BBS9: variants seen among roughly 807,000 people sequenced by gnomAD.
The protein encoded by BBS9 is Bardet-Biedl syndrome 9.
Under a neutral mutation model 117.7 loss-of-function variants are expected in BBS9, and 89 were observed. That is an observed-to-expected ratio of 0.76 (90% CI 0.64 to 0.90). The LOEUF is 0.90. Ranked by LOEUF, BBS9 falls within the 40% of genes least tolerant of loss-of-function variation. The pLI is 0.00. For synonymous variants in BBS9, 379 were observed against 370.9 expected (o/e 1.02, Z -0.25); for missense variants, 982 against 1,042.2 (o/e 0.94, Z 0.80).
At chr7:33,266,950 G>T (rs1394238131) in intron 7 of BBS9, among the ~76,000 whole-genome samples, 1 of 151,994 alleles carries the variant, frequency 6.6e-6, no homozygotes, top group Non-Finnish European at 1.5e-5. Context: ...TTGCCGTGTT[G>T]ACCAGACTGG....
chr7:33,533,533 C>T (rs557405429), intron 20 of BBS9, among the ~76,000 whole-genome samples: 36 of 152,268 alleles, frequency 2.4e-4, no homozygotes, highest in Non-Finnish European at 4.1e-4. Flanking sequence ...TCTCCTGGCC[C>T]GCTTTCCTTT....
chr7:33,202,244 T>C (rs1007261167), intron 5 of BBS9, among the ~76,000 whole-genome samples: 2 of 152,206 alleles, frequency 1.3e-5, no homozygotes, highest in Non-Finnish European at 2.9e-5. Context: ...CTTTGGCAGA[T>C]GCTAGGATTA....
intron 5 of BBS9, among the ~76,000 whole-genome samples, chr7:33,230,576 C>A (rs1792168919): frequency 6.6e-6 from 1 of 152,156 alleles, no homozygotes; most frequent in Non-Finnish European, 1.5e-5. Flanking sequence ...CTCCCTTCCG[C>A]CCTGCCTGCT....
In BBS9 at chr7:33,393,465, C is replaced by A. The variant is rs535744336; in HGVS notation, c.2115+5321C>A. The stretch of plus-strand genomic sequence containing the variant: ...CTTAATACTTTTAGAACAAAGGGTC[C>A]TGTATTTTTATTTTGCTCTGGGCAC... On this transcript the variant is annotated intron_variant, in intron 19 of 22. Transcript: ENST00000242067. Among the ~76,000 whole-genome samples, 3 of 152,236 alleles carry A rather than the reference C, an allele frequency of 2.0e-5. No homozygotes were observed. In the East Asian group the frequency reaches 5.8e-4, roughly 29 times the overall value.
chr7:33,319,162 CAAA>C (rs766634541), intron 9 of BBS9, among the ~76,000 whole-genome samples: 10 of 127,024 alleles, frequency 7.9e-5, no homozygotes, highest in Admixed American at 8.0e-5. Flanking sequence ...GACTCTATGT[CAAA>C]AAAAAAAAAA....
intron 21 of BBS9, among the ~76,000 whole-genome samples, chr7:33,593,273 T>A (rs76499226): frequency 0.012 from 1,756 of 152,272 alleles, 29 homozygotes; most frequent in African/African-American, 0.04. Context: ...ATTAACTTTC[T>A]TTTCCTCCCC....
chr7:33,158,987 G>C (rs938358612), intron 4 of BBS9, among the ~76,000 whole-genome samples: 5 of 151,680 alleles, frequency 3.3e-5, no homozygotes, highest in African/African-American at 1.2e-4. Context: ...CGGTCAGGTT[G>C]GTTACAGCTT....
chr7:33,478,154 A>G (rs1201617624), intron 19 of BBS9, among the ~76,000 whole-genome samples: 2 of 152,164 alleles, frequency 1.3e-5, no homozygotes, highest in African/African-American at 4.8e-5. Flanking sequence ...ATGAAAGGGG[A>G]ATATTAAAAT....
In BBS9 at chr7:33,146,373, C is replaced by T. The variant is rs1257128233; in HGVS notation, c.112+9C>T. Reference sequence around the variant, plus strand: ...TAGTGGAAATGGACAAGGTAAGCAACTTACAACCATACATCTTGGATGAAA... The same window carrying T: ...TAGTGGAAATGGACAAGGTAAGCAATTTACAACCATACATCTTGGATGAAA... On this transcript the variant is annotated intron_variant, in intron 2 of 22. Transcript: ENST00000242067. The T allele has an allele frequency of 6.3e-7, 1 of 1,591,796 alleles. No homozygotes were observed. Among genetic ancestry groups the T allele is most frequent in the African/African-American group, 1.3e-5 (1 of 74,418 alleles).
chr7:33,532,229 G>A (rs987970203), intron 20 of BBS9, among the ~76,000 whole-genome samples: 3 of 152,204 alleles, frequency 2.0e-5, no homozygotes, highest in Non-Finnish European at 2.9e-5. Flanking sequence ...CATGAGCGAC[G>A]GCCATGTGCA....
chr7:33,595,623 G>A (rs1377446840), intron 21 of BBS9, among the ~76,000 whole-genome samples: 3 of 152,146 alleles, frequency 2.0e-5, no homozygotes, highest in Admixed American at 6.6e-5. Context: ...GGAAGACAGT[G>A]TGGCGATTCC....
At chr7:33,450,714 C>A (rs1230790257) in intron 19 of BBS9, among the ~76,000 whole-genome samples, 1 of 152,106 alleles carries the variant, frequency 6.6e-6, no homozygotes, top group African/African-American at 2.4e-5. Flanking sequence ...ATTTTAAAAT[C>A]AGATTAGTTT....
intron 18 of BBS9, among the ~76,000 whole-genome samples, chr7:33,386,876 A>G (rs185090449): frequency 6.6e-5 from 10 of 152,240 alleles, no homozygotes; most frequent in Admixed American, 1.3e-4. Context: ...CAGCCACTCA[A>G]TCTCTTCTTT....
At chr7:33,452,842 G>A (rs76616287) in intron 19 of BBS9, among the ~76,000 whole-genome samples, 11,305 of 152,226 alleles carry the variant, frequency 0.074, 487 homozygotes, top group African/African-American at 0.1. Context: ...AAAAGTTATA[G>A]CCATGTAGTA....
At chr7:33,517,067 T>C (rs1275379949) in intron 20 of BBS9, among the ~76,000 whole-genome samples, 1 of 152,226 alleles carries the variant, frequency 6.6e-6, no homozygotes, top group African/African-American at 2.4e-5. Flanking sequence ...GTCATAAACA[T>C]TGGTTAGCAG....
intron 5 of BBS9, among the ~76,000 whole-genome samples, chr7:33,195,806 C>G (rs1453873045): frequency 1.3e-5 from 2 of 151,702 alleles, no homozygotes; most frequent in Non-Finnish European, 2.9e-5. Context: ...TTTTTTCAGC[C>G]AAATGGAAGT....
intron 19 of BBS9, among the ~76,000 whole-genome samples, chr7:33,502,957 T>C (rs1209743909): frequency 6.6e-6 from 1 of 152,206 alleles, no homozygotes; most frequent in Non-Finnish European, 1.5e-5. Flanking sequence ...TCTTCAGTAC[T>C]CTCTCTTTCA....
chr7:33,227,021 C>CTAAAATGGT, intron 5 of BBS9, among the ~76,000 whole-genome samples: 1 of 152,126 alleles, frequency 6.6e-6, no homozygotes, highest in South Asian at 2.1e-4. Flanking sequence ...ACTGTACATT[C>CTAAAATGGT]TAAAATGGTT....
chr7:33,169,618 A>G (rs1459620037), intron 4 of BBS9, among the ~76,000 whole-genome samples: 9 of 149,822 alleles, frequency 6.0e-5, no homozygotes, highest in African/African-American at 2.2e-4. Flanking sequence ...TCTTTTGAGA[A>G]GTGTCTGTTC....
Sources: gnomAD v4.1 joint callset for allele counts (sites outside exome capture counted in the v4.1 genomes callset) on GRCh38, gnomAD v4.1.1 for gene constraint, MANE v1.5 for transcripts, NCBI Gene and HGNC (gene_info 2026-07-23, HGNC 2026-07-21) for gene names.